Variants in DCUN1D5 observed in about 807,000 individuals in gnomAD.
DCUN1D5 encodes the protein DCN1-like protein 5.
DCUN1D5 carries 10 observed loss-of-function variants against 38.3 expected under a neutral mutation model. The observed-to-expected ratio is 0.26, with a 90% CI of 0.16 to 0.44. The LOEUF (loss-of-function observed/expected upper bound fraction) is 0.44. Among genes scored for constraint, DCUN1D5 ranks in the 20% least tolerant of loss-of-function variants. The pLI is 1.00. For missense variants in DCUN1D5, 148 were observed against 275.3 expected (o/e 0.54, Z 3.27); for synonymous variants, 93 against 90.9 (o/e 1.02, Z -0.13).
At chr11:103,081,088 T>C (rs986725395) in intron 4 of DCUN1D5, among the ~76,000 whole-genome samples, 5 of 152,048 alleles carry the variant, frequency 3.3e-5, no homozygotes, top group Admixed American at 3.3e-4. Flanking sequence ...TATTCAGAAG[T>C]ATATATTAGA....
chr11:103,057,686 C>A lies in DCUN1D5; in HGVS notation c.*4673G>T, dbSNP rs1861906759. Among the ~76,000 whole-genome samples the A allele has an allele frequency of 6.6e-6, 1 of 151,868 alleles. No homozygotes were observed. Among genetic ancestry groups the A allele is most frequent in the South Asian group, 2.1e-4 (1 of 4,814 alleles). ...AGTGAGCTGAGACCGCACCACTGCA[C>A]TCCATCCTGGGTGACAGAGTAAGAC... On this transcript the variant is annotated 3_prime_UTR_variant, in exon 8 of 8. Coordinates refer to ENST00000260247, the MANE Select transcript of DCUN1D5 (RefSeq NM_032299.4). This position sits in a 1 kb window ranked among gnomAD's most constrained non-coding sequence, Gnocchi z 4.8.
At position 103,060,475 on chromosome 11, in the gene DCUN1D5, GCTGA is replaced by G. The variant is rs1333602969; in HGVS notation, c.*1880_*1883del. On this transcript the variant is annotated 3_prime_UTR_variant, in exon 8 of 8. Coordinates refer to ENST00000260247, the MANE Select transcript of DCUN1D5 (RefSeq NM_032299.4). ...TGCGACACCTACATACACGGGGAGG[GCTGA>G]CTTTTTATACAGGCAGGTTCCACAG... Among the ~76,000 whole-genome samples, 1 of 151,970 alleles carries G rather than the reference GCTGA, an allele frequency of 6.6e-6. No individual in the cohort carries two copies. The highest frequency in any genetic ancestry group is 1.5e-5 in the Non-Finnish European group (1 of 68,000).
chr11:103,055,081 T>C lies in DCUN1D5; in HGVS notation c.*7278A>G, dbSNP rs925716384. Reference sequence around the variant, plus strand: ...GACCCAAGTCTAAACATGAAATTCATTTATGTTTCATATACACTTTTTACA... The same window carrying C: ...GACCCAAGTCTAAACATGAAATTCACTTATGTTTCATATACACTTTTTACA... On this transcript the variant is annotated 3_prime_UTR_variant, in exon 8 of 8. Transcript: ENST00000260247. 2.6e-5 allele frequency: 4 copies of C among 152,202 alleles called. No homozygotes were observed. The highest frequency in any genetic ancestry group is 7.2e-5 in the African/African-American group (3 of 41,456). The allele number at this position is 152,202 out of a possible 1,614,324, so 9.4% of individuals were successfully genotyped here. A position where few individuals can be genotyped will look rare whatever the true frequency, so the allele number is the denominator to read the frequency against.
chr11:103,072,272 TG>T (rs1166636225), intron 4 of DCUN1D5, among the ~76,000 whole-genome samples: 1 of 151,668 alleles, frequency 6.6e-6, no homozygotes, highest in Non-Finnish European at 1.5e-5. Context: ...TTTACACTGT[TG>T]GTGGGACTGT....
Position 103,056,013 on chromosome 11 carries a change from C to G in DCUN1D5, c.*6346G>C, listed in dbSNP as rs1861865080. Among the ~76,000 whole-genome samples the G allele has an allele frequency of 6.6e-6, 1 of 152,180 alleles. No homozygotes were observed. Among genetic ancestry groups the G allele is most frequent in the Non-Finnish European group, 1.5e-5 (1 of 68,026 alleles). On this transcript the variant is annotated 3_prime_UTR_variant, in exon 8 of 8. Transcript: ENST00000260247. This position sits in a 1 kb window ranked among gnomAD's most constrained non-coding sequence, Gnocchi z 4.9. ...TGATCATTCTTTTTTTCATACCTCA[C>G]ATCCATTCTATCAGCATATCCTTTT...
intron 2 of DCUN1D5, among the ~76,000 whole-genome samples, chr11:103,088,406 T>A (rs955087342): frequency 2.6e-5 from 4 of 152,138 alleles, no homozygotes; most frequent in Non-Finnish European, 5.9e-5. Flanking sequence ...GGGAAAAAAA[T>A]TCCATATATA....
In DCUN1D5 at chr11:103,073,099, A is replaced by C. The variant is rs540579425; in HGVS notation, c.342-6532T>G. 1.8e-4 allele frequency among the ~76,000 whole-genome samples: 27 copies of C among 152,190 alleles called. No homozygotes were observed. Among genetic ancestry groups the C allele is most frequent in the Non-Finnish European group, 3.8e-4 (26 of 68,038 alleles). On this transcript the variant is annotated intron_variant, in intron 4 of 7. Transcript: ENST00000260247. This position sits in a 1 kb window ranked among gnomAD's most constrained non-coding sequence, Gnocchi z 4.2. ...TTGTATTTCTATATATTAGTAATGA[A>C]CATGTGGACACTAAAATGTAAAATA...
rs181528869 is a variant in DCUN1D5, at chr11:103,050,762, G to T, written c.*11597C>A. On this transcript the variant is annotated 3_prime_UTR_variant, in exon 8 of 8. Transcript: ENST00000260247. ...TTATTGAGTGCTTTTCTATACTGTG[G>T]ATAGTTCTGAGTACTGGTGAAATAA... 1 of 152,202 alleles carries T rather than the reference G, an allele frequency of 6.6e-6. No individual in the cohort carries two copies. Among genetic ancestry groups the T allele is most frequent in the Non-Finnish European group, 1.5e-5 (1 of 68,004 alleles). The allele number at this position is 152,202 out of a possible 1,614,324, so 9.4% of individuals were successfully genotyped here.
chr11:103,090,593 G>A (rs538669103), intron 1 of DCUN1D5, among the ~76,000 whole-genome samples: 1 of 152,118 alleles, frequency 6.6e-6, no homozygotes, highest in African/African-American at 2.4e-5. Context: ...TTGATGAAAA[G>A]GCAGCTAATA....
rs566915397 is a variant in DCUN1D5, at chr11:103,083,533, T to C, written c.179-207A>G. Among the ~76,000 whole-genome samples, 8 of 152,082 alleles carry C rather than the reference T, an allele frequency of 5.3e-5. No individual in the cohort carries two copies. Among genetic ancestry groups the C allele is most frequent in the African/African-American group, 1.9e-4 (8 of 41,538 alleles). ...ATTCTTTGAACACCAGATTACAATA[T>C]GAAATTAAGAAAATTTAAAAAGCAG... On this transcript the variant is annotated intron_variant, in intron 2 of 7. Coordinates refer to ENST00000260247, the MANE Select transcript of DCUN1D5 (RefSeq NM_032299.4). The surrounding 1 kb of genome is among the most constrained non-coding windows in gnomAD (Gnocchi z 4.4).
In DCUN1D5 at chr11:103,060,407, T is replaced by G. The variant is rs913243903; in HGVS notation, c.*1952A>C. 2.0e-5 allele frequency among the ~76,000 whole-genome samples: 3 copies of G among 152,182 alleles called. No homozygotes were observed. Among genetic ancestry groups the G allele is most frequent in the Non-Finnish European group, 4.4e-5 (3 of 68,028 alleles). ...TGTGTGGGTCTGCTTATACGCAGATTTTTTTAAACCAAACATGGATTGAAA... is the reference window on the plus strand; with the variant it reads ...TGTGTGGGTCTGCTTATACGCAGATGTTTTTAAACCAAACATGGATTGAAA... On this transcript the variant is annotated 3_prime_UTR_variant, in exon 8 of 8. Transcript: ENST00000260247.
rs1291542225 is a variant in DCUN1D5 at position 103,090,844 on chromosome 11, G to A, written c.86+943C>T. 2.0e-5 allele frequency among the ~76,000 whole-genome samples: 3 copies of A among 152,146 alleles called. No individual in the cohort carries two copies. The East Asian group carries it at 5.8e-4, about 29-fold the overall frequency. ...GGAGAATCGCTTGAACCCGGGAGGCGGAGGTTGCAGTAAGCGGAGATCGCG... is the reference window on the plus strand; with the variant it reads ...GGAGAATCGCTTGAACCCGGGAGGCAGAGGTTGCAGTAAGCGGAGATCGCG... On this transcript the variant is annotated intron_variant, in intron 1 of 7. Coordinates refer to ENST00000260247, the MANE Select transcript of DCUN1D5 (RefSeq NM_032299.4).
In DCUN1D5 at chr11:103,053,664, A is replaced by G. The variant is rs1222835303; in HGVS notation, c.*8695T>C. On this transcript the variant is annotated 3_prime_UTR_variant, in exon 8 of 8. Coordinates refer to ENST00000260247, the MANE Select transcript of DCUN1D5 (RefSeq NM_032299.4). The surrounding 1 kb of genome is among the most constrained non-coding windows in gnomAD (Gnocchi z 4.8). ...ATGAATATATCATACTATCACATGT[A>G]CCCCCAAATAAATACATCATGTATC... 6.6e-6 allele frequency: 1 copy of G among 151,602 alleles called. No individual in the cohort carries two copies. Among genetic ancestry groups the G allele is most frequent in the African/African-American group, 2.4e-5 (1 of 41,278 alleles). 9.4% of individuals were successfully genotyped at this position (151,602 alleles called of 1,614,324 possible).
In DCUN1D5 at chr11:103,091,080, G is replaced by C. The variant is rs965116633; in HGVS notation, c.86+707C>G. Among the ~76,000 whole-genome samples, 2 of 152,132 alleles carry C rather than the reference G, an allele frequency of 1.3e-5. No individual in the cohort carries two copies. The highest frequency in any genetic ancestry group is 4.1e-4 in the South Asian group (2 of 4,834). On this transcript the variant is annotated intron_variant, in intron 1 of 7. Transcript: ENST00000260247. This position sits in a 1 kb window ranked among gnomAD's most constrained non-coding sequence, Gnocchi z 4.3. ...TCTTCTTTCTTACCAGTAGGACAGAGTACAAGAGCTCACAAATTATTTAAT... is the reference window on the plus strand; with the variant it reads ...TCTTCTTTCTTACCAGTAGGACAGACTACAAGAGCTCACAAATTATTTAAT...
intron 4 of DCUN1D5, among the ~76,000 whole-genome samples, chr11:103,069,311 C>A (rs1426746016): frequency 2.6e-5 from 4 of 152,168 alleles, no homozygotes; most frequent in Non-Finnish European, 4.4e-5. Flanking sequence ...CCTGCCTTTT[C>A]TCTAGCCAAA....
rs1159400513 is a variant in DCUN1D5, at chr11:103,091,976, G to A, written c.-104C>T. ...ACCCAGTTCCCAGAGACAGCAGCAAGCGGAGGAGCAGAGTCGCCAGCCCGC... is the reference window on the plus strand; with the variant it reads ...ACCCAGTTCCCAGAGACAGCAGCAAACGGAGGAGCAGAGTCGCCAGCCCGC... On this transcript the variant is annotated 5_prime_UTR_variant, in exon 1 of 8. Coordinates refer to ENST00000260247, the MANE Select transcript of DCUN1D5 (RefSeq NM_032299.4). The surrounding 1 kb of genome is among the most constrained non-coding windows in gnomAD (Gnocchi z 4.3). The A allele has an allele frequency of 3.6e-6, 4 of 1,123,328 alleles. No homozygotes were observed. The highest frequency in any genetic ancestry group is 3.7e-6 in the Non-Finnish European group (3 of 804,440). The allele number at this position is 1,123,328 out of a possible 1,614,324, so 69.6% of individuals were successfully genotyped here. A position where few individuals can be genotyped will look rare whatever the true frequency, so the allele number is the denominator to read the frequency against.
At position 103,071,409 on chromosome 11, in the gene DCUN1D5, T is replaced by TAGTA. The variant is rs1021847292; in HGVS notation, c.342-4846_342-4843dup. Among the ~76,000 whole-genome samples the TAGTA allele has an allele frequency of 2.6e-5, 4 of 151,842 alleles. No individual in the cohort carries two copies. The highest frequency in any genetic ancestry group is 4.4e-5 in the Non-Finnish European group (3 of 67,880). ...CACAATGAACATATACAATGTATGA[T>TAGTA]AGTAAGGGATCACAATGAACAACTC... On this transcript the variant is annotated intron_variant, in intron 4 of 7. Transcript: ENST00000260247. The surrounding 1 kb of genome is among the most constrained non-coding windows in gnomAD (Gnocchi z 4.1).
At position 103,057,065 on chromosome 11, in the gene DCUN1D5, T is replaced by C. The variant is rs1277877008; in HGVS notation, c.*5294A>G. Reference sequence around the variant, plus strand: ...TCAGGTTTCTCAGATAATACTTCTATAAACTCTCTCTCAATAGGCATAGTT... The same window carrying C: ...TCAGGTTTCTCAGATAATACTTCTACAAACTCTCTCTCAATAGGCATAGTT... On this transcript the variant is annotated 3_prime_UTR_variant, in exon 8 of 8. Coordinates refer to ENST00000260247, the MANE Select transcript of DCUN1D5 (RefSeq NM_032299.4). This position sits in a 1 kb window ranked among gnomAD's most constrained non-coding sequence, Gnocchi z 4.8. Among the ~76,000 whole-genome samples the C allele has an allele frequency of 6.6e-6, 1 of 152,058 alleles. No homozygotes were observed. The highest frequency in any genetic ancestry group is 2.4e-5 in the African/African-American group (1 of 41,294).
rs1404092094 is a variant in DCUN1D5, at chr11:103,051,505, C to G, written c.*10854G>C. ...TGGTGGCTTCACATATTTACTTCCC[C>G]CCCCCCCCCGCCACCCCTGTGTTAA... On this transcript the variant is annotated 3_prime_UTR_variant, in exon 8 of 8. Transcript: ENST00000260247. The G allele has an allele frequency of 6.9e-4, 12 of 17,334 alleles. 2 individuals are homozygous for G. Among genetic ancestry groups the G allele is most frequent in the Non-Finnish European group, 1.9e-3 (10 of 5,242 alleles). 1.1% of individuals were successfully genotyped at this position (17,334 alleles called of 1,614,324 possible).
Sources: allele counts gnomAD v4.1 joint callset (sites outside exome capture counted in the v4.1 genomes callset), GRCh38; gene constraint gnomAD v4.1.1; non-coding constraint Gnocchi (gnomAD v3.1); transcripts MANE v1.5; gene names NCBI Gene and HGNC (gene_info 2026-07-23, HGNC 2026-07-21).